The following BMAL2 variants were observed in gnomAD, a reference collection of about 807,000 sequenced individuals.
The protein encoded by BMAL2 is basic helix-loop-helix ARNT like 2.
chr12:27,389,158 G>C, the BMAL2 span: 1 of 1,458,146 alleles, frequency 6.9e-7, no homozygotes, highest in Non-Finnish European at 9.6e-7. Flanking sequence ...GATTTTAAAT[G>C]AATGTCTACC....
the BMAL2 span, among the ~76,000 whole-genome samples, chr12:27,405,544 G>A: frequency 6.6e-6 from 1 of 152,238 alleles, no homozygotes; most frequent in Non-Finnish European, 1.5e-5. Context: ...GGTCCTGACT[G>A]TTAGAGGGAA....
At chr12:27,348,334 G>A in the BMAL2 span, among the ~76,000 whole-genome samples, 1 of 152,090 alleles carries the variant, frequency 6.6e-6, no homozygotes, top group East Asian at 1.9e-4. Context: ...GGTCACTTTT[G>A]CACATGGCAT....
At chr12:27,344,644 T>C in the BMAL2 span, among the ~76,000 whole-genome samples, 2 of 152,210 alleles carry the variant, frequency 1.3e-5, no homozygotes, top group Non-Finnish European at 2.9e-5. Context: ...ACCCAGATTA[T>C]CTAGGATAAT....
chr12:27,376,227 C>A, the BMAL2 span: 2 of 877,938 alleles, frequency 2.3e-6, no homozygotes, highest in Non-Finnish European at 3.6e-6. Context: ...GCATTTACAG[C>A]TAAGGATTTT....
At chr12:27,386,600 A>C in the BMAL2 span, among the ~76,000 whole-genome samples, 4 of 152,088 alleles carry the variant, frequency 2.6e-5, no homozygotes, top group Non-Finnish European at 5.9e-5. Flanking sequence ...TTCTGCATGC[A>C]GTGTAGTAGA....
the BMAL2 span, chr12:27,376,498 T>C: frequency 3.4e-6 from 3 of 881,484 alleles, no homozygotes; most frequent in East Asian, 2.6e-5. Context: ...AGATGAGGCT[T>C]TTCTCTCTTG....
At chr12:27,405,865 C>T in the BMAL2 span, among the ~76,000 whole-genome samples, 29 of 152,188 alleles carry the variant, frequency 1.9e-4, 1 homozygote, top group East Asian at 5.6e-3. Context: ...AGATGAATGG[C>T]TAACAAGAAT....
the BMAL2 span, among the ~76,000 whole-genome samples, chr12:27,385,203 A>C: frequency 6.6e-6 from 1 of 152,198 alleles, no homozygotes; most frequent in Non-Finnish European, 1.5e-5. Context: ...AATCCCAGCT[A>C]TTCAGGAGGC....
chr12:27,343,603 AC>A, the BMAL2 span, among the ~76,000 whole-genome samples: 2 of 152,194 alleles, frequency 1.3e-5, no homozygotes, highest in Non-Finnish European at 2.9e-5. Context: ...AAATCTAAAT[AC>A]GTTTTTGTGC....
chr12:27,390,296 A>C, the BMAL2 span: 1 of 1,531,950 alleles, frequency 6.5e-7, no homozygotes, highest in African/African-American at 1.4e-5. Context: ...AATGTCCTAA[A>C]TATTTTCTGT....
At chr12:27,333,191 C>T in the BMAL2 span, 1 of 1,176,080 alleles carries the variant, frequency 8.5e-7, no homozygotes, top group Non-Finnish European at 1.1e-6. Context: ...CAGGTCTGCC[C>T]CCGCTGCCCC....
chr12:27,397,259 A>G, the BMAL2 span, among the ~76,000 whole-genome samples: 1 of 152,084 alleles, frequency 6.6e-6, no homozygotes, highest in Non-Finnish European at 1.5e-5. Context: ...TTTAGTAGAG[A>G]TGGGGTTTCA....
At chr12:27,354,356 GA>G in the BMAL2 span, among the ~76,000 whole-genome samples, 4,817 of 152,246 alleles carry the variant, frequency 0.032, 92 homozygotes, top group South Asian at 0.089. Flanking sequence ...TTATTAGTGG[GA>G]GCTAAACACT....
At chr12:27,353,939 A>G in the BMAL2 span, among the ~76,000 whole-genome samples, 2 of 152,232 alleles carry the variant, frequency 1.3e-5, no homozygotes, top group Admixed American at 6.5e-5. Context: ...AAGGTTGTGG[A>G]GAAAAGGGAA....
At chr12:27,405,343 C>A in the BMAL2 span, among the ~76,000 whole-genome samples, 1 of 152,204 alleles carries the variant, frequency 6.6e-6, no homozygotes, top group South Asian at 2.1e-4. Context: ...CTGGGAGGCA[C>A]CCCCCAGTAG....
the BMAL2 span, among the ~76,000 whole-genome samples, chr12:27,343,920 C>G: frequency 6.6e-6 from 1 of 152,170 alleles, no homozygotes; most frequent in African/African-American, 2.4e-5. Context: ...GAGTGTTTCT[C>G]CTCCCTCTTT....
chr12:27,400,390 A>G, the BMAL2 span: 1 of 656,748 alleles, frequency 1.5e-6, no homozygotes, highest in Non-Finnish European at 2.3e-6. Context: ...TATCTTTTCA[A>G]TGGAATACCA....
the BMAL2 span, among the ~76,000 whole-genome samples, chr12:27,403,746 A>G: frequency 6.6e-6 from 1 of 152,200 alleles, no homozygotes; most frequent in Admixed American, 6.5e-5. Flanking sequence ...AAATTCACAA[A>G]GATATATAAA....
the BMAL2 span, among the ~76,000 whole-genome samples, chr12:27,335,809 A>G: frequency 6.6e-6 from 1 of 151,040 alleles, no homozygotes; most frequent in African/African-American, 2.4e-5. Flanking sequence ...GAGTGAAGGA[A>G]GGAGAAGGGG....
Sources: gnomAD v4.1 joint callset for allele counts (sites outside exome capture counted in the v4.1 genomes callset) on GRCh38, gnomAD v4.1.1 for gene constraint, MANE v1.5 for transcripts, NCBI Gene and HGNC (gene_info 2026-07-23, HGNC 2026-07-21) for gene names.